STARD9: variants seen among roughly 807,000 people sequenced by gnomAD.
The protein encoded by STARD9 is StAR related lipid transfer domain containing 9.
In STARD9, 346 loss-of-function variants were observed where a neutral mutation model predicts 399.8. That is an observed-to-expected ratio of 0.87 (90% CI 0.79 to 0.95). The LOEUF is 0.95. Among genes scored for constraint, STARD9 ranks in the 40% least tolerant of loss-of-function variants. The pLI is 0.00. For missense variants in STARD9, 5,832 were observed against 5,667.5 expected (o/e 1.03, Z -0.93); for synonymous variants, 2,203 against 2,143.5 (o/e 1.03, Z -0.77).
At chr15:42,665,566 TGTGTGGGCAG>T (rs1204329335) in intron 14 of STARD9, among the ~76,000 whole-genome samples, 1 of 152,246 alleles carries the variant, frequency 6.6e-6, no homozygotes, top group East Asian at 1.9e-4. Flanking sequence ...GTCCTTGCCC[TGTGTGGGCAG>T]GTACGGAGAA....
At position 42,718,439 on chromosome 15, in the gene STARD9, C is replaced by T. The variant is rs760989511; in HGVS notation, c.13767C>T (p.Tyr4589=). 19 of 1,536,780 alleles carry T rather than the reference C, an allele frequency of 1.2e-5. No individual in the cohort carries two copies. The South Asian group carries it at 1.5e-4, about 13-fold the overall frequency. ...TCCTTATCCCTGTCCCTCCAGTGTA[C>T]TTGGTGTGCAACACCACCCTGTGCG... ...QRVTNSISLV[Y]LVCNTTLCAL... is the part of the protein sequence containing the mutation. The change falls in exon 31 of 33, where the codon TAC becomes TAT. Residue 4589 remains tyrosine (Y), a synonymous_variant. Coordinates refer to ENST00000290607, the MANE Select transcript of STARD9 (RefSeq NM_020759.3).
chr15:42,600,085 A>G (rs779195925), intron 3 of STARD9, among the ~76,000 whole-genome samples: 18 of 152,188 alleles, frequency 1.2e-4, no homozygotes, highest in Non-Finnish European at 1.6e-4. Flanking sequence ...CTAAGAGGAT[A>G]TAGTCACAGT....
intron 3 of STARD9, among the ~76,000 whole-genome samples, chr15:42,603,703 C>T (rs2058674664): frequency 6.6e-6 from 1 of 151,922 alleles, no homozygotes; most frequent in Admixed American, 6.6e-5. Context: ...TTGGTTGGGT[C>T]TGGGATGAAA....
intron 3 of STARD9, among the ~76,000 whole-genome samples, chr15:42,596,393 T>G (rs1333996235): frequency 2.0e-5 from 3 of 152,178 alleles, no homozygotes; most frequent in Non-Finnish European, 4.4e-5. Flanking sequence ...AATTAATTGC[T>G]TGAGGAAGAG....
chr15:42,617,552 G>A (rs967178870), intron 3 of STARD9, among the ~76,000 whole-genome samples: 13 of 152,030 alleles, frequency 8.6e-5, no homozygotes, highest in African/African-American at 3.1e-4. Context: ...GAATGAAAGC[G>A]ACTCCTGTGT....
At chr15:42,676,033 G>GCTGTCATGGACTA in intron 20 of STARD9, 58 bp downstream of exon 20, 22 of 725,276 alleles carry the variant, frequency 3.0e-5, no homozygotes, top group Non-Finnish European at 4.6e-5. Context: ...CTTAGTCCAT[G>GCTGTCATGGACTA]ACAGCATGGA....
chr15:42,609,509 G>T lies in STARD9; in HGVS notation c.234+23872G>T, dbSNP rs531807959. 6.0e-5 allele frequency among the ~76,000 whole-genome samples: 9 copies of T among 150,358 alleles called. No individual in the cohort carries two copies. The South Asian group carries it at 1.7e-3, about 28-fold the overall frequency. ...GGCTGGGGTACAGTGGCACAATCTT[G>T]ACTCACTGCAACCACTGCCTCCCAG... is the stretch of plus-strand genomic sequence containing the variant. On this transcript the variant is annotated intron_variant, in intron 3 of 32. Transcript: ENST00000290607.
chr15:42,675,718 A>G lies in STARD9; in HGVS notation c.1742A>G (p.Glu581Gly), dbSNP rs2060296836. ...AQKFRFNHPAEAAVLRQRRQV... is the reference protein window; with the variant it reads ...AQKFRFNHPAGAAVLRQRRQV... ...AAGTTCCGATTCAACCACCCAGCAG[A>G]GGCTGCTGTCCTGCGGCAGCGAAGG... The change falls in exon 19 of 33, where the codon GAG becomes GGG. Residue 581 changes from glutamate to glycine, a missense_variant. Transcript: ENST00000290607. 7 of 1,537,236 alleles carry G rather than the reference A, an allele frequency of 4.6e-6. No individual in the cohort carries two copies. Among genetic ancestry groups the G allele is most frequent in the Non-Finnish European group, 6.1e-6 (7 of 1,146,882 alleles).
chr15:42,609,748 A>C (rs556247476), intron 3 of STARD9, among the ~76,000 whole-genome samples: 4 of 151,990 alleles, frequency 2.6e-5, no homozygotes, highest in African/African-American at 7.2e-5. Context: ...CTGAAATTTT[A>C]ATTTAAGTGA....
At chr15:42,674,516 A>C in intron 17 of STARD9, 25 bp downstream of exon 17, 1 of 1,533,104 alleles carries the variant, frequency 6.5e-7, no homozygotes, top group Non-Finnish European at 8.7e-7. Context: ...ATATGAGTCC[A>C]GCATTTTGGG....
Position 42,690,461 on chromosome 15 carries a change from T to A in STARD9, c.8883T>A (p.Pro2961=). ...GCCGACAGCCATGCAGTTCTCAACC[T>A]GTTGCTACTCATGCTTATTCCTCCC... is the stretch of plus-strand genomic sequence containing the variant. ...LPCRQPCSSQ[P]VATHAYSSHS... is the part of the protein sequence containing the mutation. Residue 2961 remains proline (P), a synonymous_variant, in exon 23 of 33, where the codon CCT becomes CCA. Coordinates refer to ENST00000290607, the MANE Select transcript of STARD9 (RefSeq NM_020759.3). 6.5e-7 allele frequency: 1 copy of A among 1,537,246 alleles called. No homozygotes were observed. Among genetic ancestry groups the A allele is most frequent in the South Asian group, 1.2e-5 (1 of 84,062 alleles).
chr15:42,584,983 T>TG (rs967228064), intron 2 of STARD9, among the ~76,000 whole-genome samples: 3 of 152,246 alleles, frequency 2.0e-5, no homozygotes, highest in Admixed American at 6.5e-5. Context: ...CTTCATGTGA[T>TG]GGGTTGCAGC....
intron 2 of STARD9, 77 bp downstream of exon 2, chr15:42,583,492 T>C: frequency 9.5e-7 from 1 of 1,057,658 alleles, no homozygotes; most frequent in Non-Finnish European, 1.4e-6. Context: ...GCTGAAGGTG[T>C]ATATGTGAAT....
intron 3 of STARD9, among the ~76,000 whole-genome samples, chr15:42,591,661 T>C (rs774717855): frequency 7.9e-5 from 12 of 152,188 alleles, no homozygotes; most frequent in Non-Finnish European, 1.6e-4. Context: ...CTCTGTCTTT[T>C]TATATTTACA....
intron 3 of STARD9, among the ~76,000 whole-genome samples, chr15:42,614,887 C>G (rs530259582): frequency 8.9e-4 from 135 of 152,180 alleles, no homozygotes; most frequent in African/African-American, 3.2e-3. Context: ...ATCCCTTGAA[C>G]CCGGGAGGCG....
chr15:42,685,558 C>T lies in STARD9; in HGVS notation c.3980C>T (p.Ser1327Leu). 6.5e-7 allele frequency: 1 copy of T among 1,537,672 alleles called. No individual in the cohort carries two copies. Among genetic ancestry groups the T allele is most frequent in the Non-Finnish European group, 8.7e-7 (1 of 1,147,024 alleles). The stretch of plus-strand genomic sequence containing the variant: ...GACTCTCTCCAAGGCATGCAGCTTT[C>T]AAGAGAGAGCCCACTGATGTCCATG... ...QADSLQGMQLSRESPLMSMDS... is the reference protein window; with the variant it reads ...QADSLQGMQLLRESPLMSMDS... Residue 1327 changes from serine to leucine, a missense_variant, in exon 23 of 33, where the codon TCA becomes TTA. Physicochemically the swap from Ser to Leu is moderately radical, Grantham distance 145. This residue lies in a region of STARD9 where 5,828 missense variants were observed against 5,651.1 expected (regional missense o/e 1.03). Transcript: ENST00000290607.
chr15:42,581,790 G>A (rs972149621), intron 1 of STARD9, among the ~76,000 whole-genome samples: 23 of 152,170 alleles, frequency 1.5e-4, no homozygotes, highest in African/African-American at 5.3e-4. Context: ...ATGAACATTT[G>A]ATAAAAGAAT....
chr15:42,617,183 T>G (rs896799372), intron 3 of STARD9, among the ~76,000 whole-genome samples: 2 of 152,214 alleles, frequency 1.3e-5, no homozygotes, highest in Non-Finnish European at 2.9e-5. Context: ...CAAATACTGG[T>G]GGAATAAATA....
At position 42,687,384 on chromosome 15, in the gene STARD9, G is replaced by A. The variant is rs545473522; in HGVS notation, c.5806G>A (p.Glu1936Lys). The stretch of plus-strand genomic sequence containing the variant: ...GAGGCAGACCATCAATGTAAGCCTT[G>A]AGAAAGACATGCCAGGGGAAAGTGC... ...VLRQTINVSL[E>K]KDMPGESAVS... Residue 1936 changes from glutamate (E) to lysine (K), a missense_variant, in exon 23 of 33, where the codon GAG becomes AAG. Around this residue, in one of 2 missense-constraint regions of STARD9, gnomAD observed 5,828 missense variants for 5,651.1 expected, o/e 1.03. Coordinates refer to ENST00000290607, the MANE Select transcript of STARD9 (RefSeq NM_020759.3). 9.8e-6 allele frequency: 15 copies of A among 1,536,770 alleles called. No individual in the cohort carries two copies. The African/African-American group carries it at 1.1e-4, about 11-fold the overall frequency.
Sources: gnomAD v4.1 joint callset for allele counts (sites outside exome capture counted in the v4.1 genomes callset) on GRCh38, gnomAD v4.1.1 for gene constraint, gnomAD v4.1.1 regional missense constraint, MANE v1.5 for transcripts, NCBI Gene and HGNC (gene_info 2026-07-23, HGNC 2026-07-21) for gene names.